The following SORCS2 variants were observed in gnomAD, a reference collection of about 807,000 sequenced individuals.
SORCS2 encodes the protein sortilin related VPS10 domain containing receptor 2, also known as VPS10 domain-containing receptor SorCS2.
In SORCS2, 100 loss-of-function variants were observed where a neutral mutation model predicts 141.6. The ratio of observed to expected loss-of-function variants is 0.71; its 90% confidence interval spans 0.60 to 0.83. The LOEUF (loss-of-function observed/expected upper bound fraction) is 0.83, where lower values mean the gene tolerates loss of function less well. Ranked by LOEUF, SORCS2 falls within the 40% of genes least tolerant of loss-of-function variation. SORCS2 has a pLI of 0.00. For synonymous variants in SORCS2, 789 were observed against 676.9 expected (o/e 1.17, Z -2.57); for missense variants, 1,646 against 1,560.2 (o/e 1.05, Z -0.93).
chr4:7,735,225 G>T (rs1171844340), intron 25 of SORCS2, among the ~76,000 whole-genome samples: 1 of 152,330 alleles, frequency 6.6e-6, no homozygotes, highest in East Asian at 1.9e-4. Flanking sequence ...CCCCATCGGG[G>T]TCACCCTTGA....
intron 3 of SORCS2, among the ~76,000 whole-genome samples, chr4:7,545,571 A>G (rs1334641154): frequency 5.9e-5 from 9 of 152,206 alleles, no homozygotes; most frequent in Non-Finnish European, 5.9e-5. Context: ...AGGCTCACCA[A>G]GGCTCAGGGA....
intron 1 of SORCS2, among the ~76,000 whole-genome samples, chr4:7,241,222 A>C (rs945093708): frequency 3.3e-5 from 5 of 152,116 alleles, no homozygotes; most frequent in African/African-American, 1.2e-4. Context: ...TACAGGCATG[A>C]GCCACCTCAC....
At chr4:7,618,328 C>G (rs1718902127) in intron 3 of SORCS2, among the ~76,000 whole-genome samples, 4 of 152,104 alleles carry the variant, frequency 2.6e-5, no homozygotes, top group Admixed American at 2.6e-4. Flanking sequence ...CATTTCAGCC[C>G]CAGGGCCCAA....
At chr4:7,354,111 T>C (rs963056164) in intron 1 of SORCS2, among the ~76,000 whole-genome samples, 12 of 152,188 alleles carry the variant, frequency 7.9e-5, no homozygotes, top group African/African-American at 2.9e-4. Context: ...CTCTTTCTTC[T>C]GTTTTGTTCT....
chr4:7,264,960 C>T (rs969293633), intron 1 of SORCS2, among the ~76,000 whole-genome samples: 19 of 152,248 alleles, frequency 1.2e-4, no homozygotes, highest in Admixed American at 7.8e-4. Context: ...CCCGCCTGGC[C>T]GCTCCTCCAG....
intron 22 of SORCS2, 99 bp from the exon 23 acceptor site, chr4:7,729,488 T>C (rs537723678): frequency 6.9e-7 from 1 of 1,443,742 alleles, no homozygotes; most frequent in Admixed American, 2.1e-5. Flanking sequence ...GAGACAGGTG[T>C]ACAGGCCAAG....
chr4:7,272,611 C>T (rs920368460), intron 1 of SORCS2, among the ~76,000 whole-genome samples: 7 of 152,352 alleles, frequency 4.6e-5, no homozygotes, highest in Middle Eastern at 3.4e-3. Context: ...TGAGACCTTC[C>T]GGTTCATTCT....
intron 19 of SORCS2, among the ~76,000 whole-genome samples, chr4:7,724,085 C>A (rs1726794057): frequency 6.7e-6 from 1 of 148,598 alleles, no homozygotes; most frequent in Non-Finnish European, 1.5e-5. Flanking sequence ...GAGCTGGTAG[C>A]TGGTGGTGAT....
intron 1 of SORCS2, among the ~76,000 whole-genome samples, chr4:7,325,366 G>T (rs909823517): frequency 6.6e-5 from 10 of 152,200 alleles, no homozygotes; most frequent in Non-Finnish European, 1.5e-4. Context: ...CCTACCTCCC[G>T]TGGTGCCCAG....
intron 3 of SORCS2, among the ~76,000 whole-genome samples, chr4:7,560,858 C>G (rs1461554555): frequency 3.3e-5 from 5 of 152,130 alleles, no homozygotes; most frequent in Non-Finnish European, 5.9e-5. Flanking sequence ...CACTTGTTTC[C>G]CTATCGACAG....
chr4:7,578,521 TG>T (rs2108754519), intron 3 of SORCS2, among the ~76,000 whole-genome samples: 1 of 152,380 alleles, frequency 6.6e-6, no homozygotes, highest in South Asian at 2.1e-4. Context: ...CCAGTTAATT[TG>T]TCCTGCTAAG....
intron 2 of SORCS2, among the ~76,000 whole-genome samples, chr4:7,454,900 G>C: frequency 7.2e-6 from 1 of 139,000 alleles, no homozygotes; most frequent in Non-Finnish European, 1.6e-5. Flanking sequence ...GCTGTGTTGG[G>C]GTCAGGCACT....
chr4:7,412,272 G>A (rs750923087), intron 2 of SORCS2, among the ~76,000 whole-genome samples: 8 of 152,204 alleles, frequency 5.3e-5, no homozygotes, highest in Non-Finnish European at 8.8e-5. Context: ...GCAGGCCGAT[G>A]GCCACCCCCT....
intron 1 of SORCS2, among the ~76,000 whole-genome samples, chr4:7,251,127 A>G (rs905008): frequency 0.013 from 2,053 of 152,338 alleles, 47 homozygotes; most frequent in African/African-American, 0.046. Context: ...CTGAAGCCCA[A>G]TTCAAAGTAG....
intron 2 of SORCS2, among the ~76,000 whole-genome samples, chr4:7,511,658 C>T (rs1263700603): frequency 6.6e-6 from 1 of 152,076 alleles, no homozygotes. Context: ...CCTATGGTAC[C>T]TCTGGGGGCT....
At chr4:7,586,526 G>A (rs1716549174) in intron 3 of SORCS2, among the ~76,000 whole-genome samples, 1 of 152,132 alleles carries the variant, frequency 6.6e-6, no homozygotes. Flanking sequence ...CCCCCACACT[G>A]TGTCCATGTG....
intron 2 of SORCS2, among the ~76,000 whole-genome samples, chr4:7,456,953 C>A (rs1674516171): frequency 1.3e-5 from 2 of 152,116 alleles, no homozygotes; most frequent in African/African-American, 4.8e-5. Flanking sequence ...ACGCAGCCAC[C>A]TCCAGGGTTG....
intron 3 of SORCS2, among the ~76,000 whole-genome samples, chr4:7,594,066 C>A (rs957514337): frequency 1.3e-5 from 2 of 152,180 alleles, no homozygotes; most frequent in African/African-American, 4.8e-5. Flanking sequence ...TCTGGTGATA[C>A]CAAAATGAAA....
At chr4:7,257,235 G>A (rs1453365511) in intron 1 of SORCS2, among the ~76,000 whole-genome samples, 1 of 152,106 alleles carries the variant, frequency 6.6e-6, no homozygotes, top group Admixed American at 6.5e-5. Context: ...CCAGCAGGAC[G>A]GATCGGCGGT....
Sources: allele counts gnomAD v4.1 joint callset (sites outside exome capture counted in the v4.1 genomes callset), GRCh38; gene constraint gnomAD v4.1.1; transcripts MANE v1.5; gene names NCBI Gene and HGNC (gene_info 2026-07-23, HGNC 2026-07-21).